Variants in DMTF1 observed in about 807,000 individuals in gnomAD.
DMTF1 encodes the protein cyclin D binding myb like transcription factor 1, also known as cyclin-D-binding Myb-like transcription factor 1.
DMTF1 carries 39 observed loss-of-function variants against 91.1 expected under a neutral mutation model. That is an observed-to-expected ratio of 0.43 (90% CI 0.33 to 0.56). The LOEUF (loss-of-function observed/expected upper bound fraction) is 0.56. Ranked by LOEUF, DMTF1 falls within the 20% of genes least tolerant of loss-of-function variation. DMTF1 has a pLI of 0.05. For missense variants in DMTF1, 750 were observed against 914.5 expected, an observed-to-expected ratio of 0.82 and a Z score of 2.32; for synonymous variants, 338 against 309.5, an observed-to-expected ratio of 1.09 and a Z score of -0.97.
At chr7:87,178,688 GA>G (rs1340804878) in intron 7 of DMTF1, among the ~76,000 whole-genome samples, 1 of 151,842 alleles carries the variant, frequency 6.6e-6, no homozygotes, top group Non-Finnish European at 1.5e-5. Flanking sequence ...CGTTTGACCT[GA>G]AAATTCTGTT....
Position 87,194,145 on chromosome 7 carries a change from A to C in DMTF1, c.2028+43A>C, listed in dbSNP as rs759412380. 12 of 1,513,534 alleles carry C rather than the reference A, an allele frequency of 7.9e-6. No homozygotes were observed. In the South Asian group the frequency reaches 1.6e-4, roughly 20 times the overall value. 93.8% of individuals were successfully genotyped at this position (1,513,534 alleles called of 1,614,324 possible). Reference sequence around the variant, plus strand: ...AACAACTGAATGGATTCTTGCCTTGAGCCTCAAACCTGCAGTTTGGGAAAC... The same window carrying C: ...AACAACTGAATGGATTCTTGCCTTGCGCCTCAAACCTGCAGTTTGGGAAAC... On this transcript the variant is annotated intron_variant, in intron 16 of 17. Coordinates refer to ENST00000331242, the MANE Select transcript of DMTF1 (RefSeq NM_001142327.2).
chr7:87,168,610 CT>C (rs1250834057), intron 4 of DMTF1, among the ~76,000 whole-genome samples: 2 of 151,882 alleles, frequency 1.3e-5, no homozygotes, highest in East Asian at 1.9e-4. Flanking sequence ...TCACCAAGTC[CT>C]TTTTTTTCTC....
intron 15 of DMTF1, 159 bp from the exon 16 acceptor site, chr7:87,193,563 TAGA>T (rs1360167249): frequency 1.5e-5 from 12 of 827,522 alleles, no homozygotes; most frequent in Non-Finnish European, 2.2e-5. Flanking sequence ...ATAGGGACAT[TAGA>T]AGAACAAAGG....
chr7:87,154,006 A>T (rs193265319), intron 1 of DMTF1, among the ~76,000 whole-genome samples: 1 of 152,338 alleles, frequency 6.6e-6, no homozygotes, highest in African/African-American at 2.4e-5. Context: ...ATAATTTGCC[A>T]TCACTTTAAC....
In DMTF1 at chr7:87,194,046, A is replaced by T; in HGVS notation, c.1972A>T (p.Thr658Ser). 3 of 1,612,154 alleles carry T rather than the reference A, an allele frequency of 1.9e-6. No homozygotes were observed. The highest frequency in any genetic ancestry group is 2.5e-6 in the Non-Finnish European group (3 of 1,179,120). ...CAGAACAGAAGAAGAAATCTCTGACACCGACCTTAAACAAGAGGAATCACC... is the reference window on the plus strand; with the variant it reads ...CAGAACAGAAGAAGAAATCTCTGACTCCGACCTTAAACAAGAGGAATCACC... ...MVRTEEEISD[T>S]DLKQEESPSD... Residue 658 changes from threonine to serine, a missense_variant, in exon 16 of 18, where the codon ACC (threonine) becomes TCC (serine). Physicochemically the swap from Thr to Ser is moderately conservative, Grantham distance 58 (BLOSUM62 1). Around this residue, in one of 3 missense-constraint regions of DMTF1, gnomAD observed 410 missense variants for 420.2 expected, o/e 0.98. Coordinates refer to ENST00000331242, the MANE Select transcript of DMTF1 (RefSeq NM_001142327.2).
intron 1 of DMTF1, among the ~76,000 whole-genome samples, chr7:87,162,343 G>A (rs1006052000): frequency 1.3e-5 from 2 of 152,184 alleles, no homozygotes; most frequent in African/African-American, 4.8e-5. Context: ...TTATAAGGGT[G>A]AGCCACCACG....
intron 12 of DMTF1, 166 bp downstream of exon 12, chr7:87,186,146 G>T: frequency 3.0e-6 from 2 of 661,584 alleles, no homozygotes; most frequent in Non-Finnish European, 5.0e-6. Flanking sequence ...CCAGAGAAGA[G>T]TTAATACTGT....
At chr7:87,154,342 G>A (rs532242530) in intron 1 of DMTF1, 62 of 152,636 alleles carry the variant, frequency 4.1e-4, no homozygotes, top group African/African-American at 1.4e-3. Context: ...GATACTAGGT[G>A]CTTCTGTATG....
At chr7:87,165,097 A>T (rs1184829299) in intron 3 of DMTF1, 47 bp downstream of exon 3, 1 of 1,423,904 alleles carries the variant, frequency 7.0e-7, no homozygotes, top group Non-Finnish European at 9.8e-7. Flanking sequence ...GAATTTATGA[A>T]TTCCATGTCA....
At chr7:87,154,624 C>G (rs556094688) in intron 1 of DMTF1, 2 of 152,630 alleles carry the variant, frequency 1.3e-5, no homozygotes, top group East Asian at 3.9e-4. Flanking sequence ...TCTGAGTGTT[C>G]AGGTTTTAGA....
intron 1 of DMTF1, among the ~76,000 whole-genome samples, chr7:87,159,515 C>T (rs1241305626): frequency 6.6e-6 from 1 of 152,088 alleles, no homozygotes; most frequent in Non-Finnish European, 1.5e-5. Context: ...TTTTCTTTAA[C>T]GTGCTAAGGT....
intron 16 of DMTF1, 36 bp from the exon 17 acceptor site, chr7:87,194,643 GTAAGA>G: frequency 6.8e-7 from 1 of 1,472,592 alleles, no homozygotes; most frequent in Non-Finnish European, 9.4e-7. Context: ...AGGAAGACTA[GTAAGA>G]ATATGAGTCA....
At chr7:87,161,787 G>A (rs1171753407) in intron 1 of DMTF1, among the ~76,000 whole-genome samples, 1 of 152,120 alleles carries the variant, frequency 6.6e-6, no homozygotes, top group Non-Finnish European at 1.5e-5. Context: ...TATAAAATAA[G>A]CATTGTACTT....
chr7:87,186,100 C>T (rs1798357780), intron 12 of DMTF1, 120 bp downstream of exon 12: 1 of 1,029,892 alleles, frequency 9.7e-7, no homozygotes, highest in Non-Finnish European at 1.4e-6. Flanking sequence ...TCTACTTACA[C>T]CACTTCCCTG....
In DMTF1 at chr7:87,156,737, TTTCA is replaced by T. The variant is rs201781870; in HGVS notation, c.-132+4185_-132+4188del. Among the ~76,000 whole-genome samples, 427 of 152,296 alleles carry T rather than the reference TTTCA, an allele frequency of 2.8e-3. 3 individuals carry two copies. Among genetic ancestry groups the T allele is most frequent in the African/African-American group, 8.8e-3 (365 of 41,578 alleles). ...CACTAAGATTTTCTACTAAGCAGACTTTCATTATTTCAAAATAAACATATCTTAA... is the reference window on the plus strand; with the variant it reads ...CACTAAGATTTTCTACTAAGCAGACTTTATTTCAAAATAAACATATCTTAA... On this transcript the variant is annotated intron_variant, in intron 1 of 17. Coordinates refer to ENST00000331242, the MANE Select transcript of DMTF1 (RefSeq NM_001142327.2).
rs1284840491 is a variant in DMTF1 at position 87,182,294 on chromosome 7, T to C, written c.777T>C (p.Ser259=). 3 of 1,614,014 alleles carry C rather than the reference T, an allele frequency of 1.9e-6. No individual in the cohort carries two copies. In the South Asian group the frequency reaches 3.3e-5, roughly 18 times the overall value. The part of the protein sequence containing the change: ...IGAALGRSAS[S]VKDRCRLMKD... Reference sequence around the variant, plus strand: ...CGGCGCTAGGAAGAAGTGCATCTTCTGTCAAAGATCGGTGCCGACTGATGA... The same window carrying C: ...CGGCGCTAGGAAGAAGTGCATCTTCCGTCAAAGATCGGTGCCGACTGATGA... Residue 259 remains serine (S), a synonymous_variant, in exon 10 of 18, where the codon TCT becomes TCC. Transcript: ENST00000331242.
intron 5 of DMTF1, 63 bp from the exon 6 acceptor site, chr7:87,173,472 A>T (rs1795561196): frequency 9.5e-7 from 1 of 1,057,212 alleles, no homozygotes; most frequent in Non-Finnish European, 1.4e-6. Context: ...GTTGAGCATT[A>T]AATCAAGCTG....
In DMTF1 at chr7:87,195,113, T is replaced by G. The variant is rs757384419; in HGVS notation, c.2256T>G (p.Asp752Glu). Residue 752 changes from aspartate to glutamate, a missense_variant, in exon 18 of 18, where the codon GAT becomes GAG. Transcript: ENST00000331242. ...LGSPVSEDSK[D>E]VEDLVNCH Reference sequence around the variant, plus strand: ...GTCCTGTTTCAGAAGATTCAAAGGATGTCGAAGATTTGGTAAACTGTCATT... The same window carrying G: ...GTCCTGTTTCAGAAGATTCAAAGGAGGTCGAAGATTTGGTAAACTGTCATT... The G allele has an allele frequency of 1.2e-6, 2 of 1,611,502 alleles. No individual in the cohort carries two copies. The highest frequency in any genetic ancestry group is 2.7e-5 in the African/African-American group (2 of 74,756).
intron 16 of DMTF1, chr7:87,194,324 T>G: frequency 2.0e-6 from 1 of 512,642 alleles, no homozygotes; most frequent in Non-Finnish European, 3.4e-6. Context: ...TCACTAAAAC[T>G]TTTTCCTCTT....
Sources: gnomAD v4.1 joint callset for allele counts (sites outside exome capture counted in the v4.1 genomes callset) on GRCh38, gnomAD v4.1.1 for gene constraint, gnomAD v4.1.1 regional missense constraint, MANE v1.5 for transcripts, NCBI Gene and HGNC (gene_info 2026-07-23, HGNC 2026-07-21) for gene names.